The following OR3A1 variants were observed in gnomAD, a reference collection of about 807,000 sequenced individuals.
OR3A1 encodes olfactory receptor family 3 subfamily A member 1, also known as olfactory receptor 3A1.
For missense variants in OR3A1, 402 were observed against 393.8 expected (o/e 1.02, Z -0.18); for synonymous variants, 145 against 160.0 (o/e 0.91, Z 0.71).
intron 1 of OR3A1, among the ~76,000 whole-genome samples, chr17:3,296,338 G>A (rs925457994): frequency 3.3e-5 from 5 of 152,124 alleles, no homozygotes; most frequent in Non-Finnish European, 1.5e-5. Flanking sequence ...GATTAAATCA[G>A]TGTTCAGAAA....
chr17:3,295,958 TG>T (rs1416223544), intron 1 of OR3A1, among the ~76,000 whole-genome samples: 6 of 152,054 alleles, frequency 3.9e-5, no homozygotes, highest in African/African-American at 1.4e-4. Flanking sequence ...AGGGTAACAG[TG>T]GATTTTAGTG....
chr17:3,296,337 A>C (rs2048917805), intron 1 of OR3A1, among the ~76,000 whole-genome samples: 1 of 152,212 alleles, frequency 6.6e-6, no homozygotes, highest in South Asian at 2.1e-4. Context: ...GGATTAAATC[A>C]GTGTTCAGAA....
intron 1 of OR3A1, among the ~76,000 whole-genome samples, chr17:3,295,818 T>C (rs144361942): frequency 1.1e-4 from 17 of 151,808 alleles, no homozygotes; most frequent in Non-Finnish European, 2.2e-4. Flanking sequence ...AGTCAGTAAA[T>C]GAGGAAAAGA....
At position 3,292,333 on chromosome 17, in the gene OR3A1, T is replaced by C. The variant is rs763954548; in HGVS notation, c.250A>G (p.Met84Val). The C allele has an allele frequency of 6.2e-6, 10 of 1,613,722 alleles. No homozygotes were observed. The highest frequency in any genetic ancestry group is 2.2e-5 in the East Asian group (1 of 44,886). The change falls in exon 2 of 2, where the codon ATG becomes GTG. Residue 84 changes from methionine (M) to valine (V), a missense_variant. Met to Val is a conservative substitution (Grantham distance 21). Coordinates refer to ENST00000323404, the MANE Select transcript of OR3A1 (RefSeq NM_002550.3). ...TTGCGGGACAGGAGACGACTCAACATTGATGGAACAGTGACGCTGATGCAC... is the reference window on the plus strand; with the variant it reads ...TTGCGGGACAGGAGACGACTCAACACTGATGGAACAGTGACGCTGATGCAC... ...VGCISVTVPS[M>V]LSRLLSRKRA...
At position 3,297,076 on chromosome 17, in the gene OR3A1, C is replaced by T. The variant is rs571644419; in HGVS notation, c.-7+1207G>A. Among the ~76,000 whole-genome samples, 7 of 152,286 alleles carry T rather than the reference C, an allele frequency of 4.6e-5. No individual in the cohort carries two copies. The East Asian group carries it at 1.2e-3, about 25-fold the overall frequency. ...TTTTATATCTGCAATTAAGGCAGAG[C>T]AGCAGTTATGGACACCAGGCAGAGC... On this transcript the variant is annotated intron_variant, in intron 1 of 1. Transcript: ENST00000323404.
intron 1 of OR3A1, among the ~76,000 whole-genome samples, chr17:3,295,020 AC>A (rs2048908214): frequency 6.6e-6 from 1 of 152,062 alleles, no homozygotes; most frequent in South Asian, 2.1e-4. Context: ...AAAAATAGGA[AC>A]TCTGCAGTCT....
chr17:3,296,540 T>A (rs2048919699), intron 1 of OR3A1, among the ~76,000 whole-genome samples: 1 of 152,130 alleles, frequency 6.6e-6, no homozygotes, highest in Non-Finnish European at 1.5e-5. Flanking sequence ...CTTGTTAAAT[T>A]TTTTATTAAT....
intron 1 of OR3A1, among the ~76,000 whole-genome samples, chr17:3,295,781 A>C (rs2048913845): frequency 6.6e-6 from 1 of 152,106 alleles, no homozygotes; most frequent in Non-Finnish European, 1.5e-5. Flanking sequence ...TCATAATCTT[A>C]ATATAAAATG....
At chr17:3,295,808 A>C (rs2048914032) in intron 1 of OR3A1, among the ~76,000 whole-genome samples, 1 of 152,098 alleles carries the variant, frequency 6.6e-6, no homozygotes, top group African/African-American at 2.4e-5. Flanking sequence ...AATTCAAAAA[A>C]GTCAGTAAAT....
rs771996382 is a variant in OR3A1, at chr17:3,292,058, A to G, written c.525T>C (p.Asn175=). 1 of 1,614,224 alleles carries G rather than the reference A, an allele frequency of 6.2e-7. No homozygotes were observed. The highest frequency in any genetic ancestry group is 1.1e-5 in the South Asian group (1 of 91,088). Residue 175 remains asparagine, a synonymous_variant, in exon 2 of 2, where the codon AAT becomes AAC. Coordinates refer to ENST00000323404, the MANE Select transcript of OR3A1 (RefSeq NM_002550.3). ...AMSTLNFCGP[N]VINHFYCDLP... ...GGTCACAGTAGAAGTGATTGATCAC[A>G]TTGGGGCCACAGAAGTTGAGCGTGG...
rs764736374 is a variant in OR3A1 at position 3,292,235 on chromosome 17, G to C, written c.348C>G (p.Phe116Leu). Residue 116 changes from phenylalanine to leucine, a missense_variant, in exon 2 of 2, where the codon TTC becomes TTG. Coordinates refer to ENST00000323404, the MANE Select transcript of OR3A1 (RefSeq NM_002550.3). ...GGTCATAGGCCATGGCGGTCAGCAG[G>C]AAGCAGTCCACTCCAACGAACAGAT... is the stretch of plus-strand genomic sequence containing the variant. ...FFHLFVGVDC[F>L]LLTAMAYDRF... 7 of 1,614,060 alleles carry C rather than the reference G, an allele frequency of 4.3e-6. No individual in the cohort carries two copies. Among genetic ancestry groups the C allele is most frequent in the Non-Finnish European group, 5.9e-6 (7 of 1,180,044 alleles).
Position 3,291,793 on chromosome 17 carries a change from G to T in OR3A1, c.790C>A (p.Arg264=). 1.9e-6 allele frequency: 3 copies of T among 1,613,708 alleles called. No homozygotes were observed. Among genetic ancestry groups the T allele is most frequent in the Non-Finnish European group, 2.5e-6 (3 of 1,179,618 alleles). ...FYGSGIFNYM[R]LGSTKLSDKD... is the part of the protein sequence containing the mutation. ...TCTGAAAGCTTGGTTGAACCCAGTCGCATATAGTTAAAGATACCTGAACCA... is the reference window on the plus strand; with the variant it reads ...TCTGAAAGCTTGGTTGAACCCAGTCTCATATAGTTAAAGATACCTGAACCA... The change falls in exon 2 of 2, where the codon CGA becomes AGA. Residue 264 remains arginine (R), a synonymous_variant. Transcript: ENST00000323404.
At chr17:3,293,626 G>T (rs2048895503) in intron 1 of OR3A1, among the ~76,000 whole-genome samples, 2 of 152,180 alleles carry the variant, frequency 1.3e-5, no homozygotes, top group Admixed American at 1.3e-4. Flanking sequence ...AAGACAAATG[G>T]ATGACAAAAT....
chr17:3,293,350 A>C (rs1412158432), intron 1 of OR3A1, among the ~76,000 whole-genome samples: 1 of 152,228 alleles, frequency 6.6e-6, no homozygotes, highest in Non-Finnish European at 1.5e-5. Flanking sequence ...AACTGGAGGC[A>C]AAAGGTAGAA....
chr17:3,293,628 T>C (rs1203000802), intron 1 of OR3A1, among the ~76,000 whole-genome samples: 2 of 152,046 alleles, frequency 1.3e-5, no homozygotes, highest in East Asian at 3.9e-4. Flanking sequence ...GACAAATGGA[T>C]GACAAAATTC....
At chr17:3,296,122 T>C (rs1322100317) in intron 1 of OR3A1, among the ~76,000 whole-genome samples, 1 of 151,954 alleles carries the variant, frequency 6.6e-6, no homozygotes. Context: ...AACCAGAAAT[T>C]CAGCAAACTT....
At position 3,297,038 on chromosome 17, in the gene OR3A1, C is replaced by T. The variant is rs535369096; in HGVS notation, c.-7+1245G>A. ...CTGGGCCCTGCAGAGATTCCCTTTT[C>T]TACACAGGTTCATTTTATATCTGCA... is the stretch of plus-strand genomic sequence containing the variant. On this transcript the variant is annotated intron_variant, in intron 1 of 1. Transcript: ENST00000323404. 7.2e-5 allele frequency among the ~76,000 whole-genome samples: 11 copies of T among 152,314 alleles called. No homozygotes were observed. The South Asian group carries it at 2.3e-3, about 32-fold the overall frequency.
chr17:3,298,036 T>C (rs1350737977), intron 1 of OR3A1, among the ~76,000 whole-genome samples: 3 of 152,108 alleles, frequency 2.0e-5, no homozygotes, highest in Non-Finnish European at 4.4e-5. Flanking sequence ...TGAGGACTCA[T>C]TTGGGAATAG....
rs1189001040 is a variant in OR3A1 at position 3,291,872 on chromosome 17, C to G, written c.711G>C (p.Arg237Ser). 2.5e-6 allele frequency: 4 copies of G among 1,614,230 alleles called. No individual in the cohort carries two copies. In the African/African-American group the frequency reaches 5.3e-5, roughly 22 times the overall value. The change falls in exon 2 of 2, where the codon AGG (arginine) becomes AGC (serine). Residue 237 changes from arginine (R) to serine (S), a missense_variant. Coordinates refer to ENST00000323404, the MANE Select transcript of OR3A1 (RefSeq NM_002550.3). ...AVLRIRSVEGRKKAFSTCGSH... is the reference protein window; with the variant it reads ...AVLRIRSVEGSKKAFSTCGSH... ...AGCCACATGTGGAGAAGGCTTTCTT[C>G]CTGCCCTCTACAGAGCGAATTCGCA...
Sources: allele counts gnomAD v4.1 joint callset (sites outside exome capture counted in the v4.1 genomes callset), GRCh38; gene constraint gnomAD v4.1.1; transcripts MANE v1.5; gene names NCBI Gene and HGNC (gene_info 2026-07-23, HGNC 2026-07-21).